The following MAGI2 variants were observed in gnomAD, a reference collection of about 807,000 sequenced individuals.
MAGI2 encodes the protein membrane associated guanylate kinase, WW and PDZ domain containing 2.
MAGI2 carries 35 observed loss-of-function variants against 133.3 expected under a neutral mutation model. The ratio of observed to expected loss-of-function variants is 0.26; its 90% CI spans 0.20 to 0.35. The LOEUF is 0.35. Among genes scored for constraint, MAGI2 ranks in the 10% least tolerant of loss-of-function variants. The pLI is 1.00. For synonymous variants in MAGI2, 729 were observed against 710.6 expected, an observed-to-expected ratio of 1.03 and a Z score of -0.41; for missense variants, 1,636 against 1,863.4, an observed-to-expected ratio of 0.88 and a Z score of 2.25.
At chr7:78,607,515 G>A (rs946561422) in intron 3 of MAGI2, among the ~76,000 whole-genome samples, 1 of 141,518 alleles carries the variant, frequency 7.1e-6, no homozygotes, top group African/African-American at 2.6e-5. Context: ...AAAAAAAAAA[G>A]AGAGTCTCTG....
intron 2 of MAGI2, among the ~76,000 whole-genome samples, chr7:78,714,533 T>G (rs768941350): frequency 6.6e-6 from 1 of 152,140 alleles, no homozygotes; most frequent in African/African-American, 2.4e-5. Flanking sequence ...CAACGAGGCA[T>G]TGGAAATCTA....
At chr7:79,383,275 C>T (rs1356637808) in intron 1 of MAGI2, among the ~76,000 whole-genome samples, 2 of 151,562 alleles carry the variant, frequency 1.3e-5, no homozygotes, top group Admixed American at 1.3e-4. Flanking sequence ...ACTTCACTCT[C>T]TTAGAATTTA....
At chr7:79,079,861 G>A (rs1815885612) in intron 1 of MAGI2, among the ~76,000 whole-genome samples, 1 of 151,876 alleles carries the variant, frequency 6.6e-6, no homozygotes, top group South Asian at 2.1e-4. Flanking sequence ...CAATCCTCTG[G>A]GTAAAATAAT....
chr7:78,796,789 C>G (rs370957395), intron 2 of MAGI2, among the ~76,000 whole-genome samples: 13 of 152,090 alleles, frequency 8.5e-5, no homozygotes, highest in African/African-American at 3.1e-4. Context: ...TGGAATATTA[C>G]TCAGCCATAA....
intron 18 of MAGI2, 82 bp from the exon 19 acceptor site, chr7:78,127,498 G>C (rs9656109): frequency 4.9e-6 from 5 of 1,026,722 alleles, no homozygotes. Flanking sequence ...CCAGAGGTGG[G>C]CCAGCCATGA....
chr7:78,444,734 C>T (rs925694378), intron 6 of MAGI2, among the ~76,000 whole-genome samples: 7 of 149,092 alleles, frequency 4.7e-5, no homozygotes, highest in East Asian at 4.0e-4. Flanking sequence ...TCTGTTTTCC[C>T]GGCTCTCCCT....
intron 7 of MAGI2, chr7:78,351,692 A>C (rs1000907982): frequency 8.5e-5 from 13 of 152,162 alleles, no homozygotes; most frequent in Non-Finnish European, 2.9e-5. Flanking sequence ...CTACAGCTGA[A>C]CTAGCAGGCA....
chr7:79,151,619 C>G (rs1823254444), intron 1 of MAGI2, among the ~76,000 whole-genome samples: 1 of 152,070 alleles, frequency 6.6e-6, no homozygotes, highest in African/African-American at 2.4e-5. Context: ...AATTTTTAAC[C>G]ACTAATTTTT....
chr7:79,018,290 TCTAA>T (rs1216124855), intron 1 of MAGI2, among the ~76,000 whole-genome samples: 3 of 152,096 alleles, frequency 2.0e-5, no homozygotes, highest in Admixed American at 1.3e-4. Context: ...TCATATATGG[TCTAA>T]CTAAGCTTTC....
intron 3 of MAGI2, among the ~76,000 whole-genome samples, chr7:78,570,631 T>C (rs1456577376): frequency 2.0e-5 from 3 of 152,126 alleles, no homozygotes; most frequent in Non-Finnish European, 4.4e-5. Context: ...CAGAGTATCT[T>C]GTAGGGCTAT....
At chr7:78,727,826 G>A (rs140751264) in intron 2 of MAGI2, among the ~76,000 whole-genome samples, 1 of 152,268 alleles carries the variant, frequency 6.6e-6, no homozygotes, top group Non-Finnish European at 1.5e-5. Context: ...CTTATCAAGA[G>A]GCATATATGG....
At chr7:79,059,893 C>G (rs1285170440) in intron 1 of MAGI2, among the ~76,000 whole-genome samples, 1 of 152,072 alleles carries the variant, frequency 6.6e-6, no homozygotes, top group Non-Finnish European at 1.5e-5. Context: ...AATATGTCTA[C>G]CTGTGCTCAC....
intron 9 of MAGI2, among the ~76,000 whole-genome samples, chr7:78,317,036 A>C (rs930464148): frequency 6.7e-6 from 1 of 148,432 alleles, no homozygotes; most frequent in Admixed American, 6.7e-5. Context: ...TTATTTCCCA[A>C]ATGGCACAAC....
chr7:78,721,251 G>A (rs766597393), intron 2 of MAGI2, among the ~76,000 whole-genome samples: 40 of 151,944 alleles, frequency 2.6e-4, no homozygotes, highest in Non-Finnish European at 5.6e-4. Context: ...CACCTAAGCA[G>A]TGATGTATAA....
rs779558075 is a variant in MAGI2, at chr7:78,168,073, G to A, written c.2439C>T (p.Ala813=). 44 of 1,613,984 alleles carry A rather than the reference G, an allele frequency of 2.7e-5. 1 individual carries two copies. Among genetic ancestry groups the A allele is most frequent in the South Asian group, 5.5e-5 (5 of 91,082 alleles). The change falls in exon 15 of 22, where the codon GCC becomes GCT. Residue 813 remains alanine (A), a synonymous_variant. Transcript: ENST00000354212. ...LIGAVIAMGS[A]DRDGRLHPGD... ...CTGGGTGAAGGCGGCCATCTCTGTC[G>A]GCTGAGCCCATGGCAATGACAGCTC...
intron 3 of MAGI2, among the ~76,000 whole-genome samples, chr7:78,546,542 CCTTT>C (rs1031745347): frequency 2.8e-4 from 42 of 152,224 alleles, no homozygotes; most frequent in African/African-American, 1.0e-3. Context: ...CTAATCGTGG[CCTTT>C]CTTTAAGCCT....
chr7:78,361,461 T>G (rs1479266101), intron 7 of MAGI2, among the ~76,000 whole-genome samples: 1 of 148,356 alleles, frequency 6.7e-6, no homozygotes, highest in Non-Finnish European at 1.5e-5. Flanking sequence ...TATGTTGCAG[T>G]TATCTTTATT....
At chr7:78,889,979 G>C (rs1185333495) in intron 2 of MAGI2, among the ~76,000 whole-genome samples, 1 of 152,138 alleles carries the variant, frequency 6.6e-6, no homozygotes, top group African/African-American at 2.4e-5. Flanking sequence ...GTATTCAGGA[G>C]ACCCATCTCA....
rs569135395 is a variant in MAGI2, at chr7:78,209,648, CCTT to C, written c.2048-8458_2048-8456del. Among the ~76,000 whole-genome samples the C allele has an allele frequency of 2.3e-3, 356 of 152,116 alleles. 1 individual carries two copies. Among genetic ancestry groups the C allele is most frequent in the African/African-American group, 8.0e-3 (332 of 41,440 alleles). On this transcript the variant is annotated intron_variant, in intron 10 of 21. Transcript: ENST00000354212. ...TGTCTCCGAAATCTATTTCAAATCT[CCTT>C]CTATTTACCTCCATGGCCACCATTG...
Sources: allele counts gnomAD v4.1 joint callset (sites outside exome capture counted in the v4.1 genomes callset), GRCh38; gene constraint gnomAD v4.1.1; transcripts MANE v1.5; gene names NCBI Gene and HGNC (gene_info 2026-07-23, HGNC 2026-07-21).